The following CENPC variants were observed in gnomAD, a reference collection of about 807,000 sequenced individuals.
CENPC encodes centromere protein C.
CENPC carries 63 observed loss-of-function variants against 112.1 expected under a neutral mutation model. The observed-to-expected ratio is 0.56, with a 90% CI of 0.46 to 0.69. The LOEUF is 0.69. CENPC is among the 30% of genes least tolerant of loss of function. The pLI is 0.00. For synonymous variants in CENPC, 333 were observed against 367.6 expected (o/e 0.91, Z 1.08); for missense variants, 1,000 against 1,103.8 (o/e 0.91, Z 1.33).
At chr4:67,475,017 C>T in intron 17 of CENPC, 39 bp from the exon 18 acceptor site, 2 of 1,112,388 alleles carry the variant, frequency 1.8e-6, no homozygotes, top group Non-Finnish European at 2.6e-6. Context: ...CAAAACTGAA[C>T]CATGATAATA....
intron 7 of CENPC, among the ~76,000 whole-genome samples, chr4:67,517,872 T>C (rs1726105236): frequency 6.6e-6 from 1 of 152,080 alleles, no homozygotes; most frequent in African/African-American, 2.4e-5. Context: ...AAATACTGCA[T>C]TGACTTCAGT....
At chr4:67,535,281 A>G (rs765878176) in intron 4 of CENPC, among the ~76,000 whole-genome samples, 4 of 152,086 alleles carry the variant, frequency 2.6e-5, no homozygotes, top group Admixed American at 1.3e-4. Context: ...GAAAGCTACT[A>G]AAGGATGAGT....
intron 17 of CENPC, among the ~76,000 whole-genome samples, chr4:67,484,189 CT>C (rs886382720): frequency 6.6e-6 from 1 of 152,188 alleles, no homozygotes; most frequent in African/African-American, 2.4e-5. Flanking sequence ...ACAAATACAA[CT>C]GTCTACAGTA....
At chr4:67,510,766 A>G (rs974036645) in intron 9 of CENPC, 36 of 317,818 alleles carry the variant, frequency 1.1e-4, no homozygotes, top group Non-Finnish European at 2.2e-4. Flanking sequence ...GGCTGGGGGC[A>G]GGTCAAGTTG....
At position 67,515,501 on chromosome 4, in the gene CENPC, G is replaced by C. The variant is rs142383421; in HGVS notation, c.831-814C>G. Among the ~76,000 whole-genome samples the C allele has an allele frequency of 4.6e-5, 7 of 151,496 alleles. No individual in the cohort carries two copies. In the East Asian group the frequency reaches 1.2e-3, roughly 25 times the overall value. On this transcript the variant is annotated intron_variant, in intron 7 of 18. Coordinates refer to ENST00000273853, the MANE Select transcript of CENPC (RefSeq NM_001812.4). ...AAAAAAAGAGAGAGAGAGAGAGATT[G>C]GGGACAATTTCTTCCTATCTTTTTT...
intron 2 of CENPC, among the ~76,000 whole-genome samples, chr4:67,543,786 C>G (rs1355591570): frequency 6.6e-6 from 1 of 152,192 alleles, no homozygotes; most frequent in Non-Finnish European, 1.5e-5. Flanking sequence ...CCCAAACAAG[C>G]ACTCAACAAA....
At chr4:67,512,215 T>C (rs1725910740) in intron 9 of CENPC, 187 bp downstream of exon 9, 1 of 459,444 alleles carries the variant, frequency 2.2e-6, no homozygotes, top group Non-Finnish European at 3.7e-6. Flanking sequence ...ATTATCCCTA[T>C]TCCTAAAATA....
intron 5 of CENPC, among the ~76,000 whole-genome samples, chr4:67,521,077 T>C (rs1327706603): frequency 1.3e-5 from 2 of 151,184 alleles, no homozygotes; most frequent in African/African-American, 4.9e-5. Context: ...AACCTATACA[T>C]TAAACCAAAA....
chr4:67,472,387 T>A lies in CENPC; in HGVS notation c.*218A>T. On this transcript the variant is annotated 3_prime_UTR_variant, in exon 19 of 19. Transcript: ENST00000273853. Reference sequence around the variant, plus strand: ...TTGTCAAATTATAAAAATAATATCATAAATATGGACATCGCTACAAGCTAT... The same window carrying A: ...TTGTCAAATTATAAAAATAATATCAAAAATATGGACATCGCTACAAGCTAT... 2.3e-6 allele frequency: 1 copy of A among 429,006 alleles called. No individual in the cohort carries two copies. Among genetic ancestry groups the A allele is most frequent in the Non-Finnish European group, 3.6e-6 (1 of 279,506 alleles). The allele number at this position is 429,006 out of a possible 1,614,324, so 26.6% of individuals were successfully genotyped here. A position where few individuals can be genotyped will look rare whatever the true frequency, so the allele number is the denominator to read the frequency against.
intron 6 of CENPC, 83 bp from the exon 7 acceptor site, chr4:67,518,451 C>G: frequency 7.7e-7 from 1 of 1,299,120 alleles, no homozygotes; most frequent in Non-Finnish European, 9.8e-7. Flanking sequence ...TTTACAGAGA[C>G]AATACAGACC....
chr4:67,481,516 A>T (rs1724956135), intron 17 of CENPC, among the ~76,000 whole-genome samples: 1 of 152,138 alleles, frequency 6.6e-6, no homozygotes, highest in Non-Finnish European at 1.5e-5. Flanking sequence ...TACTATAAAC[A>T]TATAGTTACC....
chr4:67,488,103 G>A (rs1482930705), intron 17 of CENPC, among the ~76,000 whole-genome samples: 1 of 151,516 alleles, frequency 6.6e-6, no homozygotes, highest in African/African-American at 2.4e-5. Flanking sequence ...TTCTCTTCAA[G>A]ATTTTATTTA....
intron 12 of CENPC, among the ~76,000 whole-genome samples, chr4:67,500,407 T>C (rs1042425959): frequency 6.6e-6 from 1 of 152,202 alleles, no homozygotes; most frequent in South Asian, 2.1e-4. Flanking sequence ...TGAGAAAGAC[T>C]AGAAGCAATG....
At chr4:67,540,026 C>A in intron 3 of CENPC, 92 bp from the exon 4 acceptor site, 1 of 603,112 alleles carries the variant, frequency 1.7e-6, no homozygotes, top group South Asian at 2.7e-5. Context: ...ATGTGAAGAA[C>A]CATCTGTTGA....
At chr4:67,520,333 A>G (rs1726187266) in intron 5 of CENPC, among the ~76,000 whole-genome samples, 1 of 152,190 alleles carries the variant, frequency 6.6e-6, no homozygotes, top group Non-Finnish European at 1.5e-5. Context: ...TATGACCCAC[A>G]TGAAGCTGTA....
intron 17 of CENPC, among the ~76,000 whole-genome samples, chr4:67,486,005 G>A (rs572751596): frequency 1.6e-4 from 24 of 152,020 alleles, no homozygotes; most frequent in African/African-American, 5.8e-4. Flanking sequence ...ATGTTTCAAA[G>A]GTATTTTTAT....
intron 2 of CENPC, among the ~76,000 whole-genome samples, chr4:67,542,091 T>C (rs1468221036): frequency 1.3e-5 from 2 of 152,214 alleles, no homozygotes; most frequent in Non-Finnish European, 2.9e-5. Context: ...CATTTACCTG[T>C]TGAAGAACAT....
Position 67,545,442 on chromosome 4 carries a change from G to T in CENPC, c.-87C>A. On this transcript the variant is annotated 5_prime_UTR_variant, in exon 1 of 19. Coordinates refer to ENST00000273853, the MANE Select transcript of CENPC (RefSeq NM_001812.4). The stretch of plus-strand genomic sequence containing the variant: ...CAGGAAGCCGAGCAAGAAACGAATC[G>T]CCGGAATACCAGGCCGCGGCCAAGC... 1 of 1,359,336 alleles carries T rather than the reference G, an allele frequency of 7.4e-7. No homozygotes were observed. 84.2% of individuals were successfully genotyped at this position (1,359,336 alleles called of 1,614,324 possible).
chr4:67,538,905 A>G (rs945841433), intron 4 of CENPC, among the ~76,000 whole-genome samples: 2 of 152,206 alleles, frequency 1.3e-5, no homozygotes, highest in African/African-American at 2.4e-5. Context: ...AGCTTCTCAT[A>G]TATCTAAAAT....
Sources: gnomAD v4.1 joint callset for allele counts (sites outside exome capture counted in the v4.1 genomes callset) on GRCh38, gnomAD v4.1.1 for gene constraint, MANE v1.5 for transcripts, NCBI Gene and HGNC (gene_info 2026-07-23, HGNC 2026-07-21) for gene names.